Variants in GRIA2 observed in about 807,000 individuals in gnomAD.
The protein encoded by GRIA2 is glutamate ionotropic receptor AMPA type subunit 2.
Under a neutral mutation model 97.3 loss-of-function variants are expected in GRIA2, and 14 were observed. That is an observed-to-expected ratio of 0.14 (90% CI 0.10 to 0.23). The LOEUF is 0.23. GRIA2 is among the 10% of genes least tolerant of loss of function. The pLI, the probability that GRIA2 is intolerant of heterozygous loss-of-function variation, is 1.00. For missense variants in GRIA2, 558 were observed against 1,069.8 expected, an observed-to-expected ratio of 0.52 and a Z score of 6.67; for synonymous variants, 412 against 387.8, an observed-to-expected ratio of 1.06 and a Z score of -0.73.
rs989747992 is a variant in GRIA2 at position 157,351,530 on chromosome 4, GT to G, written c.2044-8360del. ...TTGCATTGACAACTTTAAAGTCATT[GT>G]TTTTTAAGCATAAAAATTACCAAAA... On this transcript the variant is annotated intron_variant, in intron 12 of 15. Transcript: ENST00000264426. Among the ~76,000 whole-genome samples, 107 of 152,264 alleles carry G rather than the reference GT, an allele frequency of 7.0e-4. 1 individual carries two copies. Among genetic ancestry groups the G allele is most frequent in the Non-Finnish European group, 1.8e-4 (12 of 68,002 alleles).
At chr4:157,261,593 C>T (rs1731536933) in intron 2 of GRIA2, among the ~76,000 whole-genome samples, 1 of 152,086 alleles carries the variant, frequency 6.6e-6, no homozygotes, top group Non-Finnish European at 1.5e-5. Context: ...CACTGAATGA[C>T]AAACTTGTCA....
Position 157,277,854 on chromosome 4 carries a change from G to GTATATATATGTATATATGTA in GRIA2, c.230-25690_230-25671dup, listed in dbSNP as rs1732406002. Among the ~76,000 whole-genome samples, 5 of 136,232 alleles carry GTATATATATGTATATATGTA rather than the reference G, an allele frequency of 3.7e-5. No homozygotes were observed. In the East Asian group the frequency reaches 8.3e-4, roughly 23 times the overall value. The allele number at this position is 136,232 out of a possible 152,430, so 89.4% of individuals were successfully genotyped here. A position where few individuals can be genotyped will look rare whatever the true frequency, so the allele number is the denominator to read the frequency against. ...TATATGTATATATATATGTATATAT[G>GTATATATATGTATATATGTA]TATATATATGTATATATGTATATAT... On this transcript the variant is annotated intron_variant, in intron 2 of 15. Transcript: ENST00000264426.
intron 13 of GRIA2, chr4:157,360,621 A>G: frequency 2.2e-6 from 1 of 447,082 alleles, no homozygotes; most frequent in South Asian, 1.7e-5. Context: ...TGGGGAAAGG[A>G]AAATGCACTT....
intron 2 of GRIA2, among the ~76,000 whole-genome samples, chr4:157,272,669 A>G (rs1732087837): frequency 6.6e-6 from 1 of 152,102 alleles, no homozygotes; most frequent in Non-Finnish European, 1.5e-5. Flanking sequence ...CTATTTAAAA[A>G]TACGCCAGAG....
intron 6 of GRIA2, among the ~76,000 whole-genome samples, chr4:157,323,499 C>T (rs1373605738): frequency 6.6e-6 from 1 of 151,932 alleles, no homozygotes; most frequent in Non-Finnish European, 1.5e-5. Flanking sequence ...CTGCCGATCC[C>T]ATTCTGTGGA....
chr4:157,355,404 T>C (rs2126982271), intron 12 of GRIA2, among the ~76,000 whole-genome samples: 1 of 151,332 alleles, frequency 6.6e-6, no homozygotes, highest in Non-Finnish European at 1.5e-5. Flanking sequence ...GGCACGTGCC[T>C]GTAATCCCAG....
chr4:157,284,248 A>C (rs1732736754), intron 2 of GRIA2, among the ~76,000 whole-genome samples: 1 of 151,758 alleles, frequency 6.6e-6, no homozygotes. Flanking sequence ...TTATTTCTTA[A>C]CACAGCTTGG....
intron 2 of GRIA2, among the ~76,000 whole-genome samples, chr4:157,299,373 T>G (rs1305216714): frequency 1.3e-5 from 2 of 152,268 alleles, no homozygotes; most frequent in African/African-American, 4.8e-5. Flanking sequence ...GTGATGCAGC[T>G]TTTACCAGTT....
In GRIA2 at chr4:157,256,226, A is replaced by T. The variant is rs1472263489; in HGVS notation, c.229+34419A>T. On this transcript the variant is annotated intron_variant, in intron 2 of 15. Transcript: ENST00000264426. ...CATATATATGTTATATATAATATAT[A>T]ATATATAATATATATATATAATATA... Among the ~76,000 whole-genome samples the T allele has an allele frequency of 1.4e-4, 17 of 119,848 alleles. 1 individual carries two copies. Among genetic ancestry groups the T allele is most frequent in the Middle Eastern group, 4.9e-3 (1 of 206 alleles). The allele number at this position is 119,848 out of a possible 152,430, so 78.6% of individuals were successfully genotyped here. A position where few individuals can be genotyped will look rare whatever the true frequency, so the allele number is the denominator to read the frequency against.
At chr4:157,267,550 C>A (rs1731828328) in intron 2 of GRIA2, among the ~76,000 whole-genome samples, 1 of 152,012 alleles carries the variant, frequency 6.6e-6, no homozygotes, top group South Asian at 2.1e-4. Context: ...TTCTAGTTAA[C>A]ATTAAACATT....
intron 12 of GRIA2, among the ~76,000 whole-genome samples, chr4:157,355,951 T>TTATATA (rs1553958593): frequency 1.5e-5 from 1 of 68,104 alleles, no homozygotes; most frequent in Non-Finnish European, 2.4e-5. Flanking sequence ...TAATATATAT[T>TTATATA]TATATATTTA....
intron 2 of GRIA2, among the ~76,000 whole-genome samples, chr4:157,300,393 CG>C (rs1312449667): frequency 6.6e-6 from 1 of 151,902 alleles, no homozygotes; most frequent in Non-Finnish European, 1.5e-5. Flanking sequence ...TTACCACAAA[CG>C]GGGCAAGCAA....
chr4:157,266,522 G>T (rs935655382), intron 2 of GRIA2, among the ~76,000 whole-genome samples: 1 of 152,086 alleles, frequency 6.6e-6, no homozygotes, highest in Non-Finnish European at 1.5e-5. Flanking sequence ...CTGCTGAGAG[G>T]TCAGTTTGTT....
At chr4:157,360,761 G>T in intron 13 of GRIA2, 27 of 526,310 alleles carry the variant, frequency 5.1e-5, no homozygotes, top group East Asian at 9.6e-5. Context: ...TGAGTACATT[G>T]CTGTAGAATA....
chr4:157,359,092 T>C (rs563725352), intron 12 of GRIA2, among the ~76,000 whole-genome samples: 209 of 152,322 alleles, frequency 1.4e-3, no homozygotes, highest in African/African-American at 4.8e-3. Context: ...TCCAACTCTA[T>C]GCTCAGCTTC....
At chr4:157,238,279 C>A (rs907689767) in intron 2 of GRIA2, among the ~76,000 whole-genome samples, 6 of 152,018 alleles carry the variant, frequency 3.9e-5, no homozygotes, top group Non-Finnish European at 1.5e-5. Context: ...TTTGGCCAAC[C>A]GTCAGGGAAA....
At position 157,221,689 on chromosome 4, in the gene GRIA2, C is replaced by T; in HGVS notation, c.111C>T (p.Ala37=). Residue 37 remains alanine, a synonymous_variant, in exon 2 of 16, where the codon GCC becomes GCT. Coordinates refer to ENST00000264426, the MANE Select transcript of GRIA2 (RefSeq NM_001083619.3). ...IQIGGLFPRG[A]DQEYSAFRVG... ...CAGGGGGGCTATTTCCTAGGGGCGC[C>T]GATCAAGAATACAGTGCATTTCGAG... 6.2e-7 allele frequency: 1 copy of T among 1,613,952 alleles called. No individual in the cohort carries two copies. The highest frequency in any genetic ancestry group is 8.5e-7 in the Non-Finnish European group (1 of 1,179,916).
intron 12 of GRIA2, among the ~76,000 whole-genome samples, chr4:157,350,547 T>C (rs1453679062): frequency 6.6e-6 from 1 of 152,020 alleles, no homozygotes; most frequent in African/African-American, 2.4e-5. Flanking sequence ...ATTCATGTTC[T>C]TCAGGCGGCC....
chr4:157,259,555 C>T (rs988540420), intron 2 of GRIA2, among the ~76,000 whole-genome samples: 1 of 152,024 alleles, frequency 6.6e-6, no homozygotes, highest in African/African-American at 2.4e-5. Context: ...GTACATTCAT[C>T]CTGTGTCCTG....
Sources: allele counts gnomAD v4.1 joint callset (sites outside exome capture counted in the v4.1 genomes callset), GRCh38; gene constraint gnomAD v4.1.1; transcripts MANE v1.5; gene names NCBI Gene and HGNC (gene_info 2026-07-23, HGNC 2026-07-21).